Variants in RPF2 observed in about 807,000 individuals in gnomAD.
RPF2 encodes brix domain containing 1.
A neutral mutation model predicts 38.9 loss-of-function variants in RPF2; 21 were observed. The ratio of observed to expected loss-of-function variants is 0.54; its 90% CI spans 0.38 to 0.78. The LOEUF (loss-of-function observed/expected upper bound fraction) is 0.78. RPF2 is among the 30% of genes least tolerant of loss of function. The pLI, the probability that RPF2 is intolerant of heterozygous loss-of-function variation, is 0.00. For synonymous variants in RPF2, 121 were observed against 126.2 expected, an observed-to-expected ratio of 0.96 and a Z score of 0.28; for missense variants, 314 against 358.1, an observed-to-expected ratio of 0.88 and a Z score of 0.99.
intron 2 of RPF2, 84 bp downstream of exon 2, chr6:110,985,222 CG>C: frequency 8.5e-7 from 1 of 1,181,390 alleles, no homozygotes; most frequent in African/African-American, 1.5e-5. Flanking sequence ...CGGAGAAATA[CG>C]TAGATAAGCT....
intron 6 of RPF2, among the ~76,000 whole-genome samples, chr6:111,002,437 C>T (rs1164928508): frequency 6.6e-6 from 1 of 152,132 alleles, no homozygotes; most frequent in African/African-American, 2.4e-5. Context: ...AATTCCTGGG[C>T]TCAGGCTATC....
chr6:110,988,410 T>G (rs1245913445), intron 2 of RPF2, among the ~76,000 whole-genome samples: 1 of 151,440 alleles, frequency 6.6e-6, no homozygotes, highest in East Asian at 2.0e-4. Context: ...TGATAGAATT[T>G]ATTTTTTCTG....
chr6:111,023,634 A>C (rs1037946961), intron 8 of RPF2, among the ~76,000 whole-genome samples: 2 of 150,988 alleles, frequency 1.3e-5, no homozygotes, highest in African/African-American at 4.9e-5. Context: ...CCTCAAAGAG[A>C]AAAAAAAAAT....
intron 7 of RPF2, among the ~76,000 whole-genome samples, chr6:111,010,914 C>T (rs1286756490): frequency 6.6e-6 from 1 of 152,064 alleles, no homozygotes. Context: ...ATTTATTTCC[C>T]GTATTAGTAA....
intron 2 of RPF2, among the ~76,000 whole-genome samples, chr6:110,987,145 G>A (rs1303948627): frequency 6.6e-6 from 1 of 151,972 alleles, no homozygotes; most frequent in Non-Finnish European, 1.5e-5. Context: ...TTGGCTTACT[G>A]CAACCTCTGA....
intron 1 of RPF2, 99 bp downstream of exon 1, chr6:110,982,228 T>A: frequency 7.4e-7 from 1 of 1,355,118 alleles, no homozygotes; most frequent in Non-Finnish European, 1.1e-6. Context: ...TGGTTACCCC[T>A]CTAATTACCT....
chr6:110,987,889 G>A (rs924463303), intron 2 of RPF2, among the ~76,000 whole-genome samples: 2 of 152,094 alleles, frequency 1.3e-5, no homozygotes, highest in African/African-American at 2.4e-5. Flanking sequence ...CAGGTGTGGT[G>A]GCTCACACCT....
chr6:111,024,268 A>G lies in RPF2; in HGVS notation c.682A>G (p.Thr228Ala). Reference sequence around the variant, plus strand: ...CTCATTGGATCTGGTTCTGAGGAGGACACACCTGGCATCGGATGACCTTTA... The same window carrying G: ...CTCATTGGATCTGGTTCTGAGGAGGGCACACCTGGCATCGGATGACCTTTA... ...GPSLDLVLRR[T>A]HLASDDLYKL... Residue 228 changes from threonine (T) to alanine (A), a missense_variant, in exon 9 of 10, where the codon ACA (threonine) becomes GCA (alanine). Transcript: ENST00000441448. 1 of 1,612,198 alleles carries G rather than the reference A, an allele frequency of 6.2e-7. No homozygotes were observed. Among genetic ancestry groups the G allele is most frequent in the Non-Finnish European group, 8.5e-7 (1 of 1,179,902 alleles).
chr6:111,020,895 G>A (rs62421864), intron 8 of RPF2, among the ~76,000 whole-genome samples: 29,509 of 151,910 alleles, frequency 0.19, 2,876 homozygotes, highest in South Asian at 0.22. Flanking sequence ...GGCCGGGCAC[G>A]GTGGCTCATC....
chr6:111,006,053 G>T (rs1038935865), intron 6 of RPF2, among the ~76,000 whole-genome samples: 4 of 151,346 alleles, frequency 2.6e-5, no homozygotes, highest in African/African-American at 9.7e-5. Context: ...TGATGCGCCT[G>T]CCTCAGCCTC....
At chr6:111,016,164 T>G (rs1416664191) in intron 8 of RPF2, among the ~76,000 whole-genome samples, 2 of 152,210 alleles carry the variant, frequency 1.3e-5, no homozygotes, top group East Asian at 3.8e-4. Context: ...CACAAATCCT[T>G]GGCTAGGCAA....
At chr6:111,001,523 G>A (rs1771811704) in intron 6 of RPF2, among the ~76,000 whole-genome samples, 1 of 151,970 alleles carries the variant, frequency 6.6e-6, no homozygotes, top group Non-Finnish European at 1.5e-5. Context: ...GACTATAGGT[G>A]TGTGCCACCT....
At chr6:110,998,911 C>T (rs1016358298) in intron 5 of RPF2, among the ~76,000 whole-genome samples, 3 of 149,578 alleles carry the variant, frequency 2.0e-5, no homozygotes, top group African/African-American at 7.4e-5. Flanking sequence ...TGCTATTGCA[C>T]TCCAGCCTGG....
intron 5 of RPF2, 114 bp from the exon 6 acceptor site, chr6:110,999,597 A>G: frequency 1.5e-6 from 1 of 653,524 alleles, no homozygotes; most frequent in South Asian, 1.9e-5. Context: ...TTGCGGGGGT[A>G]TAGGGAGAAA....
At position 111,000,948 on chromosome 6, in the gene RPF2, A is replaced by G. The variant is rs552726055; in HGVS notation, c.393+1161A>G. Among the ~76,000 whole-genome samples the G allele has an allele frequency of 2.0e-5, 3 of 152,338 alleles. No homozygotes were observed. In the South Asian group the frequency reaches 6.2e-4, roughly 32 times the overall value. The stretch of plus-strand genomic sequence containing the variant: ...CTCATGGTCTAGTTGGAAGTATTGT[A>G]GCAAAAATGTATAATTACTCTTTTC... On this transcript the variant is annotated intron_variant, in intron 6 of 9. Transcript: ENST00000441448.
chr6:111,011,944 C>G (rs1453513053), intron 7 of RPF2, among the ~76,000 whole-genome samples: 1 of 151,982 alleles, frequency 6.6e-6, no homozygotes, highest in Non-Finnish European at 1.5e-5. Context: ...TGTAGGGCAC[C>G]AAGGGAAGTT....
intron 7 of RPF2, among the ~76,000 whole-genome samples, chr6:111,011,032 G>A (rs1200809866): frequency 6.6e-6 from 1 of 152,082 alleles, no homozygotes; most frequent in Non-Finnish European, 1.5e-5. Flanking sequence ...AAACAAACAG[G>A]GGCTCTGAGA....
At chr6:110,982,300 C>CA (rs1771446133) in intron 1 of RPF2, 171 bp downstream of exon 1, 1 of 708,652 alleles carries the variant, frequency 1.4e-6, no homozygotes, top group Non-Finnish European at 2.4e-6. Flanking sequence ...TGCCAGGAGA[C>CA]AGTGGGGAAG....
At chr6:110,997,123 A>G in intron 4 of RPF2, 60 bp from the exon 5 acceptor site, 3 of 1,092,706 alleles carry the variant, frequency 2.7e-6, no homozygotes, top group Non-Finnish European at 1.4e-6. Context: ...TTTTAAAGGT[A>G]AGATTCTTAA....
Sources: allele counts gnomAD v4.1 joint callset (sites outside exome capture counted in the v4.1 genomes callset), GRCh38; gene constraint gnomAD v4.1.1; transcripts MANE v1.5; gene names NCBI Gene and HGNC (gene_info 2026-07-23, HGNC 2026-07-21).